Variants in TMUB2 observed in about 807,000 individuals in gnomAD.
TMUB2 encodes the protein transmembrane and ubiquitin like domain containing 2, also known as transmembrane and ubiquitin-like domain-containing protein 2.
TMUB2 carries 19 observed loss-of-function variants against 20.2 expected under a neutral mutation model. That is an observed-to-expected ratio of 0.94 (90% CI 0.66 to 1.38). The LOEUF (loss-of-function observed/expected upper bound fraction) is 1.38. TMUB2 is among the 40% of genes most tolerant of loss of function. The pLI is 0.00. For missense variants in TMUB2, 426 were observed against 402.5 expected (o/e 1.06, Z -0.50); for synonymous variants, 186 against 166.0 (o/e 1.12, Z -0.92).
chr17:44,189,722 T>C (rs1273976521), intron 3 of TMUB2, 134 bp downstream of exon 3: 4 of 827,736 alleles, frequency 4.8e-6, no homozygotes, highest in Non-Finnish European at 7.1e-6. Flanking sequence ...GGTAGATACT[T>C]TCTTAGAAAT....
chr17:44,187,354 G>A (rs2054592844), intron 1 of TMUB2: 1 of 246,454 alleles, frequency 4.1e-6, no homozygotes, highest in Non-Finnish European at 8.0e-6. Context: ...GTCCAACGCC[G>A]AGGGAATAGG....
chr17:44,190,828 C>T lies in TMUB2; in HGVS notation c.930C>T (p.Phe310=), dbSNP rs147462268. The T allele has an allele frequency of 2.7e-5, 43 of 1,613,892 alleles. No individual in the cohort carries two copies. The African/African-American group carries it at 5.1e-4, about 19-fold the overall frequency. Residue 310 remains phenylalanine (F), a synonymous_variant, in exon 4 of 4, where the codon TTC becomes TTT. Transcript: ENST00000538716. ...TCTCCCTGGTGGGAGTCACCGTCTT[C>T]TTCAGCTTCCTAGTATTTGGGATGT... is the stretch of plus-strand genomic sequence containing the variant. ...ATVSLVGVTV[F]FSFLVFGMYG... is the part of the protein sequence containing the mutation.
In TMUB2 at chr17:44,190,675, G is replaced by A. The variant is rs866747154; in HGVS notation, c.777G>A (p.Ser259=). The A allele has an allele frequency of 2.3e-5, 37 of 1,614,018 alleles. No individual in the cohort carries two copies. Among genetic ancestry groups the A allele is most frequent in the Middle Eastern group, 3.3e-4 (2 of 6,084 alleles). Residue 259 remains serine (S), a synonymous_variant, in exon 4 of 4, where the codon TCG becomes TCA. Transcript: ENST00000538716. ...VPGPSASLAP[S]ATEPPSLGVN... ...GCCCCTCAGCCTCCTTGGCCCCCTCGGCCACTGAGCCACCCAGCCTTGGTG... is the reference window on the plus strand; with the variant it reads ...GCCCCTCAGCCTCCTTGGCCCCCTCAGCCACTGAGCCACCCAGCCTTGGTG...
chr17:44,190,245 G>C, intron 3 of TMUB2: 1 of 378,736 alleles, frequency 2.6e-6, no homozygotes, highest in South Asian at 4.3e-5. Context: ...CAGCTACTCG[G>C]GAGGGTGAGG....
rs774792099 is a variant in TMUB2, at chr17:44,189,414, T to A, written c.428T>A (p.Leu143Gln). Reference protein sequence around the residue: ...SLEHLLDIQGLPKRQAGAGSS... With the variant: ...SLEHLLDIQGQPKRQAGAGSS... ...GAGCATCTCCTTGACATCCAAGGCC[T>A]GCCCAAAAGACAAGCAGGTGCAGGC... Residue 143 changes from leucine to glutamine, a missense_variant, in exon 3 of 4, where the codon CTG becomes CAG. Leu to Gln is a moderately radical substitution (Grantham distance 113, BLOSUM62 -2). Transcript: ENST00000538716. 6.2e-7 allele frequency: 1 copy of A among 1,614,048 alleles called. No individual in the cohort carries two copies. Among genetic ancestry groups the A allele is most frequent in the East Asian group, 2.2e-5 (1 of 44,878 alleles).
rs2055585002 is a variant in TMUB2 at position 44,191,557 on chromosome 17, C to G, written c.*693C>G. 6.1e-6 allele frequency: 6 copies of G among 986,128 alleles called. No individual in the cohort carries two copies. Among genetic ancestry groups the G allele is most frequent in the Non-Finnish European group, 7.2e-6 (6 of 830,112 alleles). 61.1% of individuals were successfully genotyped at this position (986,128 alleles called of 1,614,324 possible). On this transcript the variant is annotated 3_prime_UTR_variant, in exon 4 of 4. Coordinates refer to ENST00000538716, the MANE Select transcript of TMUB2 (RefSeq NM_001076674.3). ...ATTGGGAGCGGCCAGGCCACAGCTGCTGCTCCCGTAGTCCTCAGGCTGTAA... is the reference window on the plus strand; with the variant it reads ...ATTGGGAGCGGCCAGGCCACAGCTGGTGCTCCCGTAGTCCTCAGGCTGTAA...
chr17:44,187,550 G>C (rs1311149361), intron 1 of TMUB2, 126 bp from the exon 2 acceptor site: 2 of 639,180 alleles, frequency 3.1e-6, no homozygotes, highest in Non-Finnish European at 5.7e-6. Flanking sequence ...AATCGTTTTC[G>C]TCTTTCTTTG....
At chr17:44,190,167 A>G (rs1262692962) in intron 3 of TMUB2, 1 of 210,334 alleles carries the variant, frequency 4.8e-6, no homozygotes, top group Non-Finnish European at 9.6e-6. Flanking sequence ...CAGCATGGTG[A>G]AACCCTGTCT....
At chr17:44,187,920 C>CA in intron 2 of TMUB2, 177 bp downstream of exon 2, 1 of 629,974 alleles carries the variant, frequency 1.6e-6, no homozygotes, top group Non-Finnish European at 2.9e-6. Context: ...ATTCTTTGAG[C>CA]AACTACTGGG....
At chr17:44,189,698 C>A in intron 3 of TMUB2, 110 bp downstream of exon 3, 2 of 1,041,684 alleles carry the variant, frequency 1.9e-6, no homozygotes, top group South Asian at 1.7e-5. Flanking sequence ...AAGATCCAGC[C>A]CCTACCAAGG....
chr17:44,188,069 C>G, intron 2 of TMUB2: 1 of 300,200 alleles, frequency 3.3e-6, no homozygotes, highest in East Asian at 6.4e-5. Flanking sequence ...ATGGTAATCA[C>G]CAGACTGGAT....
rs751139609 is a variant in TMUB2 at position 44,189,169 on chromosome 17, C to T, written c.183C>T (p.Ser61=). The change falls in exon 3 of 4, where the codon AGC becomes AGT. Residue 61 remains serine (S), a synonymous_variant. Transcript: ENST00000538716. ...GGCTCTCTACCTACGTAGCAGACAG[C>T]GGTAGCAACCAGCTCCTGGGCGCTA... ...LAWLSTYVAD[S]GSNQLLGAIV... is the part of the protein sequence containing the mutation. 57 of 1,614,084 alleles carry T rather than the reference C, an allele frequency of 3.5e-5. No individual in the cohort carries two copies. The highest frequency in any genetic ancestry group is 6.7e-5 in the Admixed American group (4 of 60,002).
rs2055648214 is a variant in TMUB2, at chr17:44,191,840, C to T, written c.*976C>T. The T allele has an allele frequency of 1.7e-6, 1 of 594,516 alleles. No individual in the cohort carries two copies. The highest frequency in any genetic ancestry group is 7.4e-5 in the South Asian group (1 of 13,536). 36.8% of individuals were successfully genotyped at this position (594,516 alleles called of 1,614,324 possible). On this transcript the variant is annotated 3_prime_UTR_variant, in exon 4 of 4. Coordinates refer to ENST00000538716, the MANE Select transcript of TMUB2 (RefSeq NM_001076674.3). ...AGATGCAGTTTATTTACACCAGCAGCCATGGGGGCAGAGGGAATACACAGC... is the reference window on the plus strand; with the variant it reads ...AGATGCAGTTTATTTACACCAGCAGTCATGGGGGCAGAGGGAATACACAGC...
rs1243416227 is a variant in TMUB2 at position 44,189,435 on chromosome 17, C to G, written c.449C>G (p.Ala150Gly). 1.2e-6 allele frequency: 2 copies of G among 1,614,054 alleles called. No homozygotes were observed. Among genetic ancestry groups the G allele is most frequent in the Non-Finnish European group, 1.7e-6 (2 of 1,179,984 alleles). Residue 150 changes from alanine to glycine, a missense_variant, in exon 3 of 4, where the codon GCA becomes GGA. Ala to Gly is a moderately conservative substitution (Grantham distance 60, BLOSUM62 0). Coordinates refer to ENST00000538716, the MANE Select transcript of TMUB2 (RefSeq NM_001076674.3). The part of the protein sequence containing the change: ...IQGLPKRQAG[A>G]GSSSPEAPLR... ...GGCCTGCCCAAAAGACAAGCAGGTGCAGGCAGCAGCAGTCCAGAGGCCCCC... is the reference window on the plus strand; with the variant it reads ...GGCCTGCCCAAAAGACAAGCAGGTGGAGGCAGCAGCAGTCCAGAGGCCCCC...
Position 44,189,423 on chromosome 17 carries a change from G to C in TMUB2, c.437G>C (p.Arg146Thr). Residue 146 changes from arginine (R) to threonine (T), a missense_variant, in exon 3 of 4, where the codon AGA becomes ACA. Transcript: ENST00000538716. ...CTTGACATCCAAGGCCTGCCCAAAA[G>C]ACAAGCAGGTGCAGGCAGCAGCAGT... ...HLLDIQGLPK[R>T]QAGAGSSSPE... The C allele has an allele frequency of 6.2e-7, 1 of 1,614,116 alleles. No individual in the cohort carries two copies. Among genetic ancestry groups the C allele is most frequent in the Non-Finnish European group, 8.5e-7 (1 of 1,179,998 alleles).
At position 44,189,178 on chromosome 17, in the gene TMUB2, C is replaced by A; in HGVS notation, c.192C>A (p.Asn64Lys). ...LSTYVADSGS[N>K]QLLGAIVSAG... ...CCTACGTAGCAGACAGCGGTAGCAA[C>A]CAGCTCCTGGGCGCTATTGTGTCAG... Residue 64 changes from asparagine to lysine, a missense_variant, in exon 3 of 4, where the codon AAC (asparagine) becomes AAA (lysine). Asn to Lys is a moderately conservative substitution (Grantham distance 94). Coordinates refer to ENST00000538716, the MANE Select transcript of TMUB2 (RefSeq NM_001076674.3). 6.2e-7 allele frequency: 1 copy of A among 1,614,162 alleles called. No homozygotes were observed. The highest frequency in any genetic ancestry group is 8.5e-7 in the Non-Finnish European group (1 of 1,180,030).
At chr17:44,187,491 C>T (rs1377146191) in intron 1 of TMUB2, 185 bp from the exon 2 acceptor site, 9 of 594,340 alleles carry the variant, frequency 1.5e-5, no homozygotes, top group Admixed American at 2.8e-5. Flanking sequence ...GGCCGGACAC[C>T]TGGGGTCCTG....
rs1349299069 is a variant in TMUB2 at position 44,189,042 on chromosome 17, A to C, written c.56A>C (p.Gln19Pro). The change falls in exon 3 of 4, where the codon CAG becomes CCG. Residue 19 changes from glutamine to proline, a missense_variant. By Grantham distance (76) the Gln-to-Pro change is moderately conservative (BLOSUM62 -1). Coordinates refer to ENST00000538716, the MANE Select transcript of TMUB2 (RefSeq NM_001076674.3). ...TGCAGCGTGGACCCTGCCAGCAGCC[A>C]GGCCATGGAGCTCTCTGATGTCACC... ...NLMSVDPASS[Q>P]AMELSDVTLI... 14 of 1,613,304 alleles carry C rather than the reference A, an allele frequency of 8.7e-6. No homozygotes were observed. The highest frequency in any genetic ancestry group is 1.1e-5 in the Non-Finnish European group (13 of 1,179,788).
chr17:44,190,607 G>A lies in TMUB2; in HGVS notation c.709G>A (p.Val237Met), dbSNP rs746382160. 1 of 1,614,226 alleles carries A rather than the reference G, an allele frequency of 6.2e-7. No individual in the cohort carries two copies. Among genetic ancestry groups the A allele is most frequent in the East Asian group, 2.2e-5 (1 of 44,884 alleles). ...TTCTCTGAACATTACCGACAACTGT[G>A]TGATTCACTGCCACCGCTCACCCCC... ...LRSLNITDNC[V>M]IHCHRSPPGS... The change falls in exon 4 of 4, where the codon GTG becomes ATG. Residue 237 changes from valine (V) to methionine (M), a missense_variant. Val to Met is a conservative substitution (Grantham distance 21). Transcript: ENST00000538716.
Sources: allele counts gnomAD v4.1 joint callset, GRCh38; gene constraint gnomAD v4.1.1; transcripts MANE v1.5; gene names NCBI Gene and HGNC (gene_info 2026-07-23, HGNC 2026-07-21).